Variants in RASGRP3 observed in about 807,000 individuals in gnomAD.
RASGRP3 encodes the protein ras guanyl-releasing protein 3.
A neutral mutation model predicts 82.7 loss-of-function variants in RASGRP3; 54 were observed. The observed-to-expected ratio is 0.65, with a 90% CI of 0.52 to 0.82. The LOEUF (loss-of-function observed/expected upper bound fraction) is 0.82. Ranked by LOEUF, RASGRP3 falls within the 40% of genes least tolerant of loss-of-function variation. RASGRP3 has a pLI of 0.00. For synonymous variants in RASGRP3, 309 were observed against 300.5 expected, an observed-to-expected ratio of 1.03 and a Z score of -0.29; for missense variants, 861 against 828.9, an observed-to-expected ratio of 1.04 and a Z score of -0.48.
chr2:33,523,685 G>T (rs1672249292), intron 7 of RASGRP3, among the ~76,000 whole-genome samples, 194 bp from the exon 8 acceptor site: 1 of 152,082 alleles, frequency 6.6e-6, no homozygotes, highest in African/African-American at 2.4e-5. Flanking sequence ...GGTGAGTAGT[G>T]GGGTTTGAAA....
At position 33,558,350 on chromosome 2, in the gene RASGRP3, C is replaced by T. The variant is rs1676252633; in HGVS notation, c.1705+14C>T. The T allele has an allele frequency of 6.2e-7, 1 of 1,612,694 alleles. No homozygotes were observed. Reference sequence around the variant, plus strand: ...CGCTGCCCCCAGGTAATGCCCTCTGCTTTCTTTGCTGCCATGGTCTCTTTC... The same window carrying T: ...CGCTGCCCCCAGGTAATGCCCTCTGTTTTCTTTGCTGCCATGGTCTCTTTC... On this transcript the variant is annotated intron_variant, in intron 16 of 17. Coordinates refer to ENST00000403687, the MANE Select transcript of RASGRP3 (RefSeq NM_001139488.2).
chr2:33,524,834 C>T (rs1323366713), intron 9 of RASGRP3, among the ~76,000 whole-genome samples: 2 of 151,972 alleles, frequency 1.3e-5, no homozygotes, highest in African/African-American at 4.8e-5. Context: ...AATCCCAGTA[C>T]TTTGGGAGGC....
At chr2:33,437,352 T>C (rs1173761470) in intron 1 of RASGRP3, among the ~76,000 whole-genome samples, 5 of 152,236 alleles carry the variant, frequency 3.3e-5, no homozygotes, top group Non-Finnish European at 7.3e-5. Context: ...ACTAGGGACA[T>C]TCCAAATTCT....
chr2:33,454,123 T>C (rs1404594871), intron 2 of RASGRP3, among the ~76,000 whole-genome samples: 1 of 151,062 alleles, frequency 6.6e-6, no homozygotes, highest in Non-Finnish European at 1.5e-5. Context: ...GATTTAACAC[T>C]GATGTCAAGT....
At chr2:33,458,509 G>T (rs1030128394) in intron 2 of RASGRP3, among the ~76,000 whole-genome samples, 1 of 152,172 alleles carries the variant, frequency 6.6e-6, no homozygotes, top group African/African-American at 2.4e-5. Context: ...ATCAAACTCT[G>T]TGGTGAAGCC....
intron 2 of RASGRP3, among the ~76,000 whole-genome samples, chr2:33,465,722 AG>A (rs1666658109): frequency 6.6e-6 from 1 of 152,220 alleles, no homozygotes; most frequent in African/African-American, 2.4e-5. Context: ...ATAGCTAGAA[AG>A]AAGTCCATGT....
intron 13 of RASGRP3, among the ~76,000 whole-genome samples, chr2:33,544,139 C>A (rs536483203): frequency 3.3e-5 from 5 of 152,084 alleles, no homozygotes; most frequent in African/African-American, 9.6e-5. Context: ...CATGGTGAAA[C>A]TCTGTCTCTA....
chr2:33,465,617 C>G (rs1042351390), intron 2 of RASGRP3, among the ~76,000 whole-genome samples: 1 of 152,184 alleles, frequency 6.6e-6, no homozygotes, highest in Non-Finnish European at 1.5e-5. Flanking sequence ...CAAGTGCTAG[C>G]TAAGATCATT....
At chr2:33,517,267 A>T (rs1047971932) in intron 4 of RASGRP3, among the ~76,000 whole-genome samples, 1 of 152,262 alleles carries the variant, frequency 6.6e-6, no homozygotes, top group Non-Finnish European at 1.5e-5. Flanking sequence ...TGCAGTCCAG[A>T]AAAGTGGTTG....
intron 10 of RASGRP3, 38 bp downstream of exon 10, chr2:33,527,450 T>C (rs758041501): frequency 1.2e-5 from 19 of 1,555,692 alleles, no homozygotes; most frequent in Non-Finnish European, 4.4e-6. Context: ...TCAATAATTC[T>C]TCTGCACCTT....
At chr2:33,483,119 C>A (rs532036714) in intron 1 of RASGRP3, among the ~76,000 whole-genome samples, 20 of 151,976 alleles carry the variant, frequency 1.3e-4, no homozygotes, top group Admixed American at 1.2e-3. Flanking sequence ...TAATAGAAAC[C>A]TTGATGCCCC....
Position 33,441,666 on chromosome 2 carries a change from T to A in RASGRP3, c.-385+5075T>A, listed in dbSNP as rs373375835. Among the ~76,000 whole-genome samples, 20 of 152,380 alleles carry A rather than the reference T, an allele frequency of 1.3e-4. No individual in the cohort carries two copies. In the South Asian group the frequency reaches 4.1e-3, roughly 32 times the overall value. ...AATCATTAAAAATACTTCACCTGTT[T>A]ACCATTTTAGGCAGGCACATATGTT... On this transcript the variant is annotated intron_variant, in intron 1 of 18. Transcript: ENST00000402538.
intron 11 of RASGRP3, among the ~76,000 whole-genome samples, chr2:33,538,554 G>C (rs921242856): frequency 6.6e-6 from 1 of 151,858 alleles, no homozygotes; most frequent in South Asian, 2.1e-4. Flanking sequence ...TAGAATTTAA[G>C]TTGCTGTTAA....
intron 4 of RASGRP3, among the ~76,000 whole-genome samples, chr2:33,518,912 G>T (rs79554599): frequency 6.6e-6 from 1 of 152,148 alleles, no homozygotes; most frequent in African/African-American, 2.4e-5. Flanking sequence ...CCTTCTTCTG[G>T]AATAGGTCCT....
At chr2:33,475,190 C>G (rs932947408), upstream of RASGRP3, among the ~76,000 whole-genome samples, 3 of 152,204 alleles carry the variant, frequency 2.0e-5, no homozygotes, top group Non-Finnish European at 4.4e-5. Context: ...ATTTCTATTA[C>G]TAACTTGAAA....
At chr2:33,513,321 G>T (rs1671118225) in intron 2 of RASGRP3, among the ~76,000 whole-genome samples, 1 of 152,122 alleles carries the variant, frequency 6.6e-6, no homozygotes, top group African/African-American at 2.4e-5. Flanking sequence ...TCACTCCAGT[G>T]GTCTCACTGA....
rs765298936 is a variant in RASGRP3, at chr2:33,515,067, T to C, written c.-70T>C. On this transcript the variant is annotated 5_prime_UTR_variant, in exon 3 of 18. Transcript: ENST00000403687. ...CCACTAGGCACTAACATCGCTGACT[T>C]GCATGATTATGGAGATGGTCTATCT... 34 of 1,451,758 alleles carry C rather than the reference T, an allele frequency of 2.3e-5. No homozygotes were observed. Among genetic ancestry groups the C allele is most frequent in the African/African-American group, 4.2e-5 (3 of 71,528 alleles). 89.9% of individuals were successfully genotyped at this position (1,451,758 alleles called of 1,614,324 possible). A position where few individuals can be genotyped will look rare whatever the true frequency, so the allele number is the denominator to read the frequency against.
At chr2:33,480,253 C>A (rs2150934983) in intron 1 of RASGRP3, among the ~76,000 whole-genome samples, 1 of 152,174 alleles carries the variant, frequency 6.6e-6, no homozygotes, top group Middle Eastern at 3.4e-3. Flanking sequence ...CTGTGTTAGC[C>A]AGGATGCTCT....
At position 33,487,387 on chromosome 2, in the gene RASGRP3, G is replaced by C. The variant is rs17013133; in HGVS notation, c.-261+10680G>C. Among the ~76,000 whole-genome samples the C allele has an allele frequency of 9.9e-3, 1,509 of 152,184 alleles. 28 individuals carry two copies. Among genetic ancestry groups the C allele is most frequent in the African/African-American group, 0.035 (1,444 of 41,532 alleles). Reference sequence around the variant, plus strand: ...GAACAAAGACAATGATAATAGAGAGGGTGGAAGAATTTTCAAAATGTTTAA... The same window carrying C: ...GAACAAAGACAATGATAATAGAGAGCGTGGAAGAATTTTCAAAATGTTTAA... On this transcript the variant is annotated intron_variant, in intron 1 of 17. Coordinates refer to ENST00000403687, the MANE Select transcript of RASGRP3 (RefSeq NM_001139488.2).
Sources: gnomAD v4.1 joint callset for allele counts (sites outside exome capture counted in the v4.1 genomes callset) on GRCh38, gnomAD v4.1.1 for gene constraint, MANE v1.5 for transcripts, NCBI Gene and HGNC (gene_info 2026-07-23, HGNC 2026-07-21) for gene names.